KAZN: variants seen among roughly 807,000 people sequenced by gnomAD.
The protein encoded by KAZN is kazrin, periplakin interacting protein.
Under a neutral mutation model 87.4 loss-of-function variants are expected in KAZN, and 40 were observed. The ratio of observed to expected loss-of-function variants is 0.46; its 90% confidence interval spans 0.36 to 0.60. KAZN has a LOEUF of 0.60. KAZN is among the 20% of genes least tolerant of loss of function. The probability of loss-of-function intolerance (pLI) is 0.00; values close to 1 mark genes in which losing one functional copy is unlikely to be tolerated. For synonymous variants in KAZN, 466 were observed against 458.3 expected, an observed-to-expected ratio of 1.02 and a Z score of -0.22; for missense variants, 898 against 1,073.9, an observed-to-expected ratio of 0.84 and a Z score of 2.29.
intron 2 of KAZN, among the ~76,000 whole-genome samples, chr1:14,298,218 C>T (rs977502938): frequency 2.6e-5 from 4 of 152,094 alleles, no homozygotes; most frequent in African/African-American, 7.2e-5. Flanking sequence ...GATTCAGACC[C>T]GGTGTCTTAA....
chr1:14,679,317 G>C (rs993850458), intron 1 of KAZN, among the ~76,000 whole-genome samples: 7 of 152,020 alleles, frequency 4.6e-5, no homozygotes, highest in Non-Finnish European at 8.8e-5. Context: ...GCAAGGCAGA[G>C]TAAGTACACC....
chr1:14,440,758 G>T (rs1211947793), intron 2 of KAZN, among the ~76,000 whole-genome samples: 4 of 152,130 alleles, frequency 2.6e-5, no homozygotes, highest in African/African-American at 7.2e-5. Flanking sequence ...GCCGTGCATA[G>T]GTCACTCATC....
At chr1:14,268,619 T>C (rs1651684059) in intron 2 of KAZN, among the ~76,000 whole-genome samples, 2 of 152,206 alleles carry the variant, frequency 1.3e-5, no homozygotes, top group Admixed American at 1.3e-4. Flanking sequence ...TGGGTGATAA[T>C]TTCCCTCTCC....
At chr1:14,264,423 T>G (rs76181067) in intron 2 of KAZN, among the ~76,000 whole-genome samples, 6,304 of 152,278 alleles carry the variant, frequency 0.041, 157 homozygotes, top group Middle Eastern at 0.075. Flanking sequence ...CGTTGGAAGG[T>G]GGAACCTTTA....
chr1:14,690,829 C>T (rs532670043), intron 1 of KAZN, among the ~76,000 whole-genome samples: 4 of 152,250 alleles, frequency 2.6e-5, no homozygotes, highest in Admixed American at 1.3e-4. Context: ...TTACACTCCC[C>T]GCCCCTCCTC....
chr1:14,906,090 C>A (rs1301166356), intron 1 of KAZN, among the ~76,000 whole-genome samples: 1 of 151,406 alleles, frequency 6.6e-6, no homozygotes. Context: ...TCACTTGAAC[C>A]CGGTAGGCGG....
chr1:14,988,762 C>T (rs150459565), intron 2 of KAZN, among the ~76,000 whole-genome samples: 42 of 152,204 alleles, frequency 2.8e-4, no homozygotes, highest in African/African-American at 8.4e-4. Flanking sequence ...GTCAGATGTG[C>T]GGCTCAGCTG....
intron 2 of KAZN, among the ~76,000 whole-genome samples, chr1:14,180,891 G>A (rs1175128150): frequency 2.0e-5 from 3 of 152,106 alleles, no homozygotes; most frequent in Admixed American, 1.3e-4. Flanking sequence ...ATACAAACTT[G>A]GCAGGCATCA....
At chr1:14,849,230 T>G (rs1200232848) in intron 1 of KAZN, among the ~76,000 whole-genome samples, 2 of 152,294 alleles carry the variant, frequency 1.3e-5, no homozygotes, top group Admixed American at 1.3e-4. Context: ...TGCTGACTGA[T>G]TCCAAGAAGT....
chr1:14,511,137 T>C (rs1670881045), intron 2 of KAZN, among the ~76,000 whole-genome samples: 1 of 152,252 alleles, frequency 6.6e-6, no homozygotes, highest in African/African-American at 2.4e-5. Flanking sequence ...AGTTTCTATG[T>C]TGCATGTGAT....
intron 1 of KAZN, among the ~76,000 whole-genome samples, chr1:14,855,212 C>G (rs991881171): frequency 6.6e-6 from 1 of 152,164 alleles, no homozygotes; most frequent in Admixed American, 6.5e-5. Context: ...GTGCATTGCC[C>G]TCTATAGTTC....
chr1:14,519,190 A>T (rs1671452798), intron 2 of KAZN, among the ~76,000 whole-genome samples: 1 of 152,222 alleles, frequency 6.6e-6, no homozygotes, highest in Admixed American at 6.5e-5. Context: ...TTCTGGAATC[A>T]AAGAAATAGC....
At position 15,089,138 on chromosome 1, in the gene KAZN, C is replaced by A. The variant is rs1200999962; in HGVS notation, c.1223-5042C>A. Among the ~76,000 whole-genome samples, 9 of 152,128 alleles carry A rather than the reference C, an allele frequency of 5.9e-5. No homozygotes were observed. In the South Asian group the frequency reaches 1.0e-3, roughly 18 times the overall value. On this transcript the variant is annotated intron_variant, in intron 8 of 14. Transcript: ENST00000376030. ...CGCATCTTTATTGCATCTGGACACC[C>A]TTTCTCTCCCCAAACCCTCTTCTTT...
chr1:14,191,439 C>T (rs747001772), intron 2 of KAZN, among the ~76,000 whole-genome samples: 1 of 152,080 alleles, frequency 6.6e-6, no homozygotes, highest in Non-Finnish European at 1.5e-5. Flanking sequence ...GAAGGAACAG[C>T]AGGCTTGAAT....
intron 1 of KAZN, among the ~76,000 whole-genome samples, chr1:14,161,728 C>T (rs1645714654): frequency 6.6e-6 from 1 of 152,146 alleles, no homozygotes. Context: ...CTATAATTGT[C>T]CATTTTCTTC....
intron 2 of KAZN, among the ~76,000 whole-genome samples, chr1:14,427,854 G>A (rs1315847175): frequency 1.3e-5 from 2 of 152,068 alleles, no homozygotes; most frequent in African/African-American, 4.8e-5. Flanking sequence ...AATTTATAAT[G>A]GACTACCTGT....
intron 1 of KAZN, among the ~76,000 whole-genome samples, chr1:14,068,903 A>T (rs1643126481): frequency 6.7e-6 from 1 of 150,268 alleles, no homozygotes; most frequent in Admixed American, 6.7e-5. Context: ...AGTTCAAGTG[A>T]TTCTCCTGCT....
chr1:14,151,848 A>G (rs1475187529), intron 1 of KAZN, among the ~76,000 whole-genome samples: 2 of 152,154 alleles, frequency 1.3e-5, no homozygotes, highest in Admixed American at 1.3e-4. Flanking sequence ...AGTAAATTTT[A>G]TTTTGGAGGG....
intron 2 of KAZN, among the ~76,000 whole-genome samples, chr1:14,454,301 T>C (rs1446259974): frequency 6.6e-6 from 1 of 152,250 alleles, no homozygotes; most frequent in Non-Finnish European, 1.5e-5. Context: ...GATTTACACT[T>C]ACACACATTC....
Sources: allele counts gnomAD v4.1 joint callset (sites outside exome capture counted in the v4.1 genomes callset), GRCh38; gene constraint gnomAD v4.1.1; transcripts MANE v1.5; gene names NCBI Gene and HGNC (gene_info 2026-07-23, HGNC 2026-07-21).